ME3: variants seen among roughly 807,000 people sequenced by gnomAD.
ME3 encodes NADP-dependent malic enzyme, mitochondrial.
ME3 carries 48 observed loss-of-function variants against 68.9 expected under a neutral mutation model. The observed-to-expected ratio is 0.70, with a 90% CI of 0.55 to 0.89. ME3 has a LOEUF of 0.89. Among genes scored for constraint, ME3 ranks in the 40% least tolerant of loss-of-function variants. The pLI, the probability that ME3 is intolerant of heterozygous loss-of-function variation, is 0.00. For missense variants in ME3, 675 were observed against 797.4 expected (o/e 0.85, Z 1.85); for synonymous variants, 320 against 318.8 (o/e 1.00, Z -0.04).
chr11:86,447,123 A>G, exon 12 of ME3: 2 of 1,614,164 alleles, frequency 1.2e-6, no homozygotes, highest in East Asian at 2.2e-5. Flanking sequence ...GGGGTTGCTC[A>G]GGGCAAAGAT....
At chr11:86,440,866 C>G (rs1033358519), downstream of ME3, among the ~76,000 whole-genome samples, 2 of 152,164 alleles carry the variant, frequency 1.3e-5, no homozygotes, top group Non-Finnish European at 2.9e-5. Context: ...AGGAAGTATC[C>G]TCTCCCTTTT....
intron 13 of ME3, 67 bp from the exon 14 acceptor site, chr11:86,442,986 G>A (rs1278558022): frequency 1.7e-5 from 22 of 1,311,982 alleles, no homozygotes; most frequent in Admixed American, 3.6e-5. Flanking sequence ...AGCCCAACCC[G>A]TTACCCCAGA....
At chr11:86,466,046 C>G (rs1950462884) in intron 7 of ME3, among the ~76,000 whole-genome samples, 2 of 152,150 alleles carry the variant, frequency 1.3e-5, no homozygotes, top group African/African-American at 4.8e-5. Context: ...AGCATTGCCT[C>G]CTAGATTTCA....
chr11:86,547,755 GT>G (rs1956452304), intron 4 of ME3, among the ~76,000 whole-genome samples: 1 of 152,128 alleles, frequency 6.6e-6, no homozygotes, highest in African/African-American at 2.4e-5. Flanking sequence ...GGAGATCAAG[GT>G]TATCTGAGGA....
chr11:86,497,845 A>T (rs1952461381), intron 6 of ME3, 118 bp downstream of exon 6: 1 of 1,189,418 alleles, frequency 8.4e-7, no homozygotes, highest in African/African-American at 1.6e-5. Flanking sequence ...GGTCGGGAGG[A>T]TGCCAAGAAA....
chr11:86,503,987 G>T (rs1254103040), intron 5 of ME3, among the ~76,000 whole-genome samples: 3 of 152,178 alleles, frequency 2.0e-5, no homozygotes, highest in Non-Finnish European at 4.4e-5. Context: ...AAGGCAGCCT[G>T]GCCTGGCCCG....
intron 8 of ME3, among the ~76,000 whole-genome samples, chr11:86,458,692 G>GA (rs1245934209): frequency 6.6e-6 from 1 of 152,144 alleles, no homozygotes; most frequent in African/African-American, 2.4e-5. Flanking sequence ...ATGGCAGGGG[G>GA]AGAGATCAAG....
At chr11:86,511,895 A>G (rs1953555655) in intron 4 of ME3, among the ~76,000 whole-genome samples, 1 of 151,970 alleles carries the variant, frequency 6.6e-6, no homozygotes, top group Admixed American at 6.6e-5. Context: ...CCCATGACTC[A>G]TGACTCAAAT....
chr11:86,509,340 G>A (rs1041846054), intron 4 of ME3, among the ~76,000 whole-genome samples: 1 of 152,168 alleles, frequency 6.6e-6, no homozygotes, highest in Non-Finnish European at 1.5e-5. Flanking sequence ...TTCTTGCAGT[G>A]GGGGATGGAG....
intron 8 of ME3, among the ~76,000 whole-genome samples, chr11:86,459,388 G>A (rs540009080): frequency 2.6e-5 from 4 of 152,030 alleles, no homozygotes; most frequent in South Asian, 2.1e-4. Flanking sequence ...CTTCCCTCCC[G>A]TATCTGTGTG....
downstream of ME3, chr11:86,436,290 G>T: frequency 6.6e-6 from 1 of 151,768 alleles, no homozygotes. Context: ...TCATGTGCTT[G>T]TTAGCCATTC....
chr11:86,639,340 G>C (rs1407291442), intron 2 of ME3, among the ~76,000 whole-genome samples: 1 of 152,158 alleles, frequency 6.6e-6, no homozygotes, highest in Admixed American at 6.6e-5. Flanking sequence ...TGAATAAGAA[G>C]TGAGTCAATC....
intron 8 of ME3, among the ~76,000 whole-genome samples, chr11:86,456,631 CT>C (rs1949947819): frequency 6.6e-6 from 1 of 152,030 alleles, no homozygotes; most frequent in Non-Finnish European, 1.5e-5. Flanking sequence ...TGGGGTTTCT[CT>C]GGGGAAGGAC....
At chr11:86,522,960 G>A (rs984532912) in intron 4 of ME3, among the ~76,000 whole-genome samples, 9 of 152,062 alleles carry the variant, frequency 5.9e-5, no homozygotes, top group South Asian at 2.1e-4. Flanking sequence ...TTTGGTATCC[G>A]GGGGGAAGGG....
At chr11:86,490,286 C>T (rs1408939158) in intron 6 of ME3, among the ~76,000 whole-genome samples, 3 of 152,168 alleles carry the variant, frequency 2.0e-5, no homozygotes, top group Non-Finnish European at 2.9e-5. Context: ...ATGGTGGGTC[C>T]TGGCCTCCTC....
intron 2 of ME3, among the ~76,000 whole-genome samples, chr11:86,650,159 C>A (rs181890882): frequency 6.6e-6 from 1 of 152,180 alleles, no homozygotes; most frequent in Admixed American, 6.5e-5. Flanking sequence ...TACCACATAT[C>A]TACAACCATC....
chr11:86,657,593 C>T (rs998489787), intron 2 of ME3, among the ~76,000 whole-genome samples: 3 of 151,988 alleles, frequency 2.0e-5, no homozygotes, highest in Non-Finnish European at 2.9e-5. Flanking sequence ...ACATTCTGCA[C>T]GTGTATCCCA....
chr11:86,445,886 C>A (rs1461961824), intron 13 of ME3, among the ~76,000 whole-genome samples: 1 of 152,074 alleles, frequency 6.6e-6, no homozygotes, highest in East Asian at 1.9e-4. Context: ...GAAAGCTGTC[C>A]TAGTGGGGCT....
chr11:86,522,419 G>GGTCTTC (rs894456217), intron 4 of ME3, among the ~76,000 whole-genome samples: 3 of 150,274 alleles, frequency 2.0e-5, no homozygotes, highest in Non-Finnish European at 4.4e-5. Flanking sequence ...TTGTTACATA[G>GGTCTTC]GTATACATGT....
Sources: allele counts gnomAD v4.1 joint callset (sites outside exome capture counted in the v4.1 genomes callset), GRCh38; gene constraint gnomAD v4.1.1; transcripts MANE v1.5; gene names NCBI Gene and HGNC (gene_info 2026-07-23, HGNC 2026-07-21).